PCDHA8: variants seen among roughly 807,000 people sequenced by gnomAD.
The protein encoded by PCDHA8 is protocadherin alpha-8.
A neutral mutation model predicts 61.8 loss-of-function variants in PCDHA8; 53 were observed. That is an observed-to-expected ratio of 0.86 (90% CI 0.69 to 1.08). The LOEUF is 1.08. PCDHA8 is among the 50% of genes least tolerant of loss of function. The probability of loss-of-function intolerance (pLI) is 0.00; values close to 1 mark genes in which losing one functional copy is unlikely to be tolerated. For synonymous variants in PCDHA8, 618 were observed against 556.6 expected (o/e 1.11, Z -1.55); for missense variants, 1,293 against 1,245.0 (o/e 1.04, Z -0.58).
chr5:140,850,888 A>T, intron 1 of PCDHA8: 1 of 1,581,398 alleles, frequency 6.3e-7, no homozygotes, highest in Non-Finnish European at 8.6e-7. Context: ...TCAACTGGGA[A>T]GGTGGGTTTT....
At chr5:140,861,581 T>C (rs1243387936) in intron 1 of PCDHA8, 6 of 358,060 alleles carry the variant, frequency 1.7e-5, no homozygotes, top group East Asian at 7.9e-5. Flanking sequence ...AGGTTTTCCA[T>C]GTGGAGGTGA....
chr5:140,848,541 C>T (rs2150412469), intron 1 of PCDHA8: 3 of 1,595,306 alleles, frequency 1.9e-6, no homozygotes, highest in African/African-American at 1.3e-5. Context: ...GCCTCTACTG[C>T]TCTCGCTTCT....
At chr5:140,968,166 C>G (rs782037307) in intron 1 of PCDHA8, 1 of 1,614,004 alleles carries the variant, frequency 6.2e-7, no homozygotes, top group Non-Finnish European at 8.5e-7. Flanking sequence ...GACAATCCAC[C>G]AAGCTTCCTG....
intron 3 of PCDHA8, among the ~76,000 whole-genome samples, chr5:140,994,021 G>A (rs1160447092): frequency 6.6e-6 from 1 of 152,140 alleles, no homozygotes; most frequent in Non-Finnish European, 1.5e-5. Context: ...AGGTGATGCA[G>A]ATATAATATT....
At chr5:140,883,971 C>G in intron 1 of PCDHA8, 1 of 1,613,030 alleles carries the variant, frequency 6.2e-7, no homozygotes. Context: ...CTGCTGACGC[C>G]CGGGGCTGGC....
chr5:140,857,359 G>A lies in PCDHA8; in HGVS notation c.2394+13644G>A, dbSNP rs200721411. The A allele has an allele frequency of 2.9e-5, 46 of 1,598,282 alleles. 7 individuals carry two copies. The highest frequency in any genetic ancestry group is 3.8e-5 in the Non-Finnish European group (44 of 1,167,900). ...GGGGCTCGCCTCCGCTGTGGGCCAC[G>A]GCCAGCGTGTCTGTGGAGGTGGCCG... On this transcript the variant is annotated intron_variant, in intron 1 of 3. Coordinates refer to ENST00000531613, the MANE Select transcript of PCDHA8 (RefSeq NM_018911.3).
chr5:140,850,103 C>G (rs2150467019), intron 1 of PCDHA8: 2 of 1,596,104 alleles, frequency 1.3e-6, no homozygotes, highest in Admixed American at 3.4e-5. Flanking sequence ...TCCAGGTGAG[C>G]GCGCGCGACG....
At chr5:140,924,881 C>T (rs1177812297) in intron 1 of PCDHA8, among the ~76,000 whole-genome samples, 20 of 141,170 alleles carry the variant, frequency 1.4e-4, no homozygotes, top group African/African-American at 5.5e-4. Flanking sequence ...GGTGACAGAG[C>T]AAGAACCTGT....
At position 140,853,409 on chromosome 5, in the gene PCDHA8, G is replaced by C. The variant is rs2042740384; in HGVS notation, c.2394+9694G>C. 1.0e-5 allele frequency: 10 copies of C among 985,968 alleles called. 2 individuals are homozygous for C. Among genetic ancestry groups the C allele is most frequent in the Non-Finnish European group, 1.2e-5 (10 of 818,342 alleles). 61.1% of individuals were successfully genotyped at this position (985,968 alleles called of 1,614,324 possible). On this transcript the variant is annotated intron_variant, in intron 1 of 3. Transcript: ENST00000531613. Reference sequence around the variant, plus strand: ...CAGCCTGTCAAGTTCAAAACAGAGAGGTGAAAGCAGAAGAGACACTTTCCT... The same window carrying C: ...CAGCCTGTCAAGTTCAAAACAGAGACGTGAAAGCAGAAGAGACACTTTCCT...
At chr5:140,887,539 C>T in intron 1 of PCDHA8, among the ~76,000 whole-genome samples, 1 of 152,082 alleles carries the variant, frequency 6.6e-6, no homozygotes, top group East Asian at 1.9e-4. Flanking sequence ...CCTCTCCCCA[C>T]CCCTCATGGT....
In PCDHA8 at chr5:140,850,310, G is replaced by A. The variant is rs2150478968; in HGVS notation, c.2394+6595G>A. The stretch of plus-strand genomic sequence containing the variant: ...TGGACGCCGACTCGGGCTACAACGC[G>A]TGGCTTTCATACGAGCTGCAGCCAG... On this transcript the variant is annotated intron_variant, in intron 1 of 3. Transcript: ENST00000531613. The A allele has an allele frequency of 1.0e-5, 16 of 1,597,212 alleles. 1 individual carries two copies. Among genetic ancestry groups the A allele is most frequent in the Non-Finnish European group, 1.4e-5 (16 of 1,167,678 alleles).
intron 1 of PCDHA8, chr5:140,863,701 A>G (rs782228120): frequency 3.1e-5 from 9 of 294,760 alleles, no homozygotes; most frequent in Non-Finnish European, 6.0e-5. Context: ...TGCTTTATTT[A>G]AAGTACACTG....
intron 1 of PCDHA8, among the ~76,000 whole-genome samples, chr5:140,874,847 A>AT (rs1459176801): frequency 6.6e-6 from 1 of 152,242 alleles, no homozygotes; most frequent in Non-Finnish European, 1.5e-5. Context: ...TATTAGACAT[A>AT]TTTTAGTTTC....
rs554327220 is a variant in PCDHA8 at position 140,980,560 on chromosome 5, G to T, written c.2453+1553G>T. Reference sequence around the variant, plus strand: ...CAGGAGAATCGCTTGAACCCGGGAGGCGGAAGTTGCAGTGAGCCAAGATCG... The same window carrying T: ...CAGGAGAATCGCTTGAACCCGGGAGTCGGAAGTTGCAGTGAGCCAAGATCG... On this transcript the variant is annotated intron_variant, in intron 2 of 3. Coordinates refer to ENST00000531613, the MANE Select transcript of PCDHA8 (RefSeq NM_018911.3). Among the ~76,000 whole-genome samples the T allele has an allele frequency of 1.6e-4, 25 of 152,244 alleles. No individual in the cohort carries two copies. The East Asian group carries it at 4.6e-3, about 28-fold the overall frequency.
rs145253621 is a variant in PCDHA8, at chr5:140,991,776, T to A, written c.2542+9213T>A. 4.1e-3 allele frequency among the ~76,000 whole-genome samples: 632 copies of A among 152,312 alleles called. 6 individuals carry two copies. Among genetic ancestry groups the A allele is most frequent in the South Asian group, 0.036 (174 of 4,822 alleles). ...CATGCTCTTCAAAATTCTTCTAGACTCTGCCCATTTCCCAATCTCAAGGCC... is the reference window on the plus strand; with the variant it reads ...CATGCTCTTCAAAATTCTTCTAGACACTGCCCATTTCCCAATCTCAAGGCC... On this transcript the variant is annotated intron_variant, in intron 3 of 3. Coordinates refer to ENST00000531613, the MANE Select transcript of PCDHA8 (RefSeq NM_018911.3).
chr5:140,885,561 T>G (rs1378492280), intron 1 of PCDHA8, among the ~76,000 whole-genome samples: 2 of 152,192 alleles, frequency 1.3e-5, no homozygotes, highest in African/African-American at 4.8e-5. Context: ...TCTACGAAAT[T>G]GATTGTCAGA....
At chr5:140,944,746 A>G (rs1009788923) in intron 1 of PCDHA8, among the ~76,000 whole-genome samples, 6 of 152,214 alleles carry the variant, frequency 3.9e-5, no homozygotes, top group African/African-American at 1.4e-4. Context: ...GAGCATTTAC[A>G]TGGAAAAAAT....
At chr5:140,966,246 G>T (rs184430396) in intron 1 of PCDHA8, 5 of 319,412 alleles carry the variant, frequency 1.6e-5, no homozygotes, top group African/African-American at 6.4e-5. Flanking sequence ...TTAAGCAGGG[G>T]AGAGACGGTG....
At chr5:140,868,925 T>C (rs558364822) in intron 1 of PCDHA8, 1 of 1,048,896 alleles carries the variant, frequency 9.5e-7, no homozygotes. Flanking sequence ...GAAAGTTCAT[T>C]TAAAGGTTGG....
Sources: allele counts gnomAD v4.1 joint callset (sites outside exome capture counted in the v4.1 genomes callset), GRCh38; gene constraint gnomAD v4.1.1; transcripts MANE v1.5; gene names NCBI Gene and HGNC (gene_info 2026-07-23, HGNC 2026-07-21).